Variants in CYP2C19 observed in about 807,000 individuals in gnomAD.
CYP2C19 encodes cytochrome P450 2C19.
A neutral mutation model predicts 40.9 loss-of-function variants in CYP2C19; 59 were observed. That is an observed-to-expected ratio of 1.44 (90% CI 1.17 to 1.79). CYP2C19 has a LOEUF of 1.79. Among genes scored for constraint, CYP2C19 ranks in the 40% most tolerant of loss-of-function variants. The pLI, the probability that CYP2C19 is intolerant of heterozygous loss-of-function variation, is 0.00. For missense variants in CYP2C19, 754 were observed against 596.9 expected, an observed-to-expected ratio of 1.26 and a Z score of -2.74; for synonymous variants, 253 against 208.7, an observed-to-expected ratio of 1.21 and a Z score of -1.83.
At chr10:94,833,971 T>C (rs1465777572) in intron 6 of CYP2C19, among the ~76,000 whole-genome samples, 1 of 152,234 alleles carries the variant, frequency 6.6e-6, no homozygotes, top group Non-Finnish European at 1.5e-5. Flanking sequence ...CTTTTTTTGA[T>C]GTGTCTTAGT....
Position 94,839,443 on chromosome 10 carries a change from T to C in CYP2C19, c.962-3394T>C, listed in dbSNP as rs1404695589. On this transcript the variant is annotated intron_variant, in intron 6 of 8. Coordinates refer to ENST00000371321, the MANE Select transcript of CYP2C19 (RefSeq NM_000769.4). ...GGTCCGGGCTGCTGGGTTCTAGTGGTCCTTTACCAGCATGCCTAACATTGC... is the reference window on the plus strand; with the variant it reads ...GGTCCGGGCTGCTGGGTTCTAGTGGCCCTTTACCAGCATGCCTAACATTGC... Among the ~76,000 whole-genome samples, 4 of 152,202 alleles carry C rather than the reference T, an allele frequency of 2.6e-5. No individual in the cohort carries two copies. In the East Asian group the frequency reaches 5.8e-4, roughly 22 times the overall value.
In CYP2C19 at chr10:94,804,949, C is replaced by T. The variant is rs909847806; in HGVS notation, c.820-15547C>T. On this transcript the variant is annotated intron_variant, in intron 5 of 8. Coordinates refer to ENST00000371321, the MANE Select transcript of CYP2C19 (RefSeq NM_000769.4). The stretch of plus-strand genomic sequence containing the variant: ...CTTTTATTTTCTTGATTATTGTTTT[C>T]TTTGTGTATTGTATGAGATTTTTCT... 7.9e-5 allele frequency among the ~76,000 whole-genome samples: 12 copies of T among 152,054 alleles called. No homozygotes were observed. In the East Asian group the frequency reaches 2.3e-3, roughly 29 times the overall value.
chr10:94,818,786 T>A (rs1359091017), intron 5 of CYP2C19, among the ~76,000 whole-genome samples: 2 of 150,558 alleles, frequency 1.3e-5, no homozygotes, highest in Non-Finnish European at 3.0e-5. Context: ...TAAGGAGATT[T>A]TGGGCTGAGA....
At chr10:94,782,247 G>A (rs1478166499) in intron 5 of CYP2C19, among the ~76,000 whole-genome samples, 1 of 152,084 alleles carries the variant, frequency 6.6e-6, no homozygotes, top group South Asian at 2.1e-4. Flanking sequence ...AGGATGTCAG[G>A]ATAGGAAAAG....
chr10:94,795,265 C>G (rs1315653131), intron 5 of CYP2C19, among the ~76,000 whole-genome samples: 2 of 147,192 alleles, frequency 1.4e-5, no homozygotes, highest in East Asian at 2.0e-4. Context: ...TTGGTTTTTT[C>G]TCCTTGCCAT....
intron 5 of CYP2C19, among the ~76,000 whole-genome samples, chr10:94,813,539 A>G (rs903391205): frequency 2.6e-5 from 4 of 151,564 alleles, no homozygotes; most frequent in African/African-American, 9.7e-5. Flanking sequence ...GCTGAAGTGG[A>G]CTCCACCTAG....
chr10:94,791,973 T>G (rs1246070978), intron 5 of CYP2C19, among the ~76,000 whole-genome samples: 1 of 152,164 alleles, frequency 6.6e-6, no homozygotes, highest in Non-Finnish European at 1.5e-5. Flanking sequence ...TGTTAAAGCC[T>G]CCCATTATTA....
intron 6 of CYP2C19, among the ~76,000 whole-genome samples, chr10:94,822,022 A>G (rs962775173): frequency 6.6e-6 from 1 of 152,076 alleles, no homozygotes; most frequent in African/African-American, 2.4e-5. Context: ...CTTCCCATTT[A>G]TAAGTGAGAA....
At chr10:94,811,375 G>A (rs1848920306) in intron 5 of CYP2C19, among the ~76,000 whole-genome samples, 1 of 152,142 alleles carries the variant, frequency 6.6e-6, no homozygotes, top group Non-Finnish European at 1.5e-5. Flanking sequence ...AGGGTGGAGA[G>A]TTCTTTAGAT....
intron 6 of CYP2C19, among the ~76,000 whole-genome samples, chr10:94,838,876 A>G (rs1221238572): frequency 1.3e-5 from 2 of 152,222 alleles, no homozygotes; most frequent in African/African-American, 4.8e-5. Flanking sequence ...TCAGGAGGCC[A>G]GGTTTCTCCC....
At chr10:94,831,782 C>A (rs1208609314) in intron 6 of CYP2C19, among the ~76,000 whole-genome samples, 1 of 152,180 alleles carries the variant, frequency 6.6e-6, no homozygotes, top group East Asian at 1.9e-4. Flanking sequence ...TACTTAAGTT[C>A]CTTATATATT....
At chr10:94,841,530 C>T (rs893224166) in intron 6 of CYP2C19, among the ~76,000 whole-genome samples, 1 of 152,058 alleles carries the variant, frequency 6.6e-6, no homozygotes, top group Non-Finnish European at 1.5e-5. Context: ...AAGGGGGTTG[C>T]CCTTTGGTTT....
intron 6 of CYP2C19, among the ~76,000 whole-genome samples, chr10:94,833,227 T>A (rs1291629174): frequency 6.6e-6 from 1 of 152,210 alleles, no homozygotes; most frequent in Non-Finnish European, 1.5e-5. Flanking sequence ...GACTTATTCC[T>A]TTCTAATGTG....
chr10:94,831,256 C>A (rs1365784731), intron 6 of CYP2C19, among the ~76,000 whole-genome samples: 1 of 152,048 alleles, frequency 6.6e-6, no homozygotes, highest in Non-Finnish European at 1.5e-5. Context: ...ATATGTACTA[C>A]ATTTTCTTTA....
At chr10:94,820,799 TC>T (rs1286105098) in intron 6 of CYP2C19, among the ~76,000 whole-genome samples, 162 bp downstream of exon 6, 1 of 152,212 alleles carries the variant, frequency 6.6e-6, no homozygotes, top group Non-Finnish European at 1.5e-5. Flanking sequence ...AAATGGAATA[TC>T]CTGGCCTGGT....
At position 94,820,496 on chromosome 10, in the gene CYP2C19, G is replaced by C. The variant is rs1807440335; in HGVS notation, c.820G>C (p.Glu274Gln). 4 of 1,613,948 alleles carry C rather than the reference G, an allele frequency of 2.5e-6. No homozygotes were observed. The East Asian group carries it at 8.9e-5, about 36-fold the overall frequency. ...IDCFLIKMEK[E>Q]KQNQQSEFTI... ...GATAATTGCATCAAATCATTCCTAG[G>C]AAAAGCAAAACCAACAGTCTGAATT... Residue 274 changes from glutamate (E) to glutamine (Q), a missense_variant and splice_region_variant, in exon 6 of 9, where the codon GAA becomes CAA. By Grantham distance (29) the Glu-to-Gln change is conservative. Coordinates refer to ENST00000371321, the MANE Select transcript of CYP2C19 (RefSeq NM_000769.4).
intron 5 of CYP2C19, among the ~76,000 whole-genome samples, chr10:94,815,425 A>T (rs1278927932): frequency 6.6e-6 from 1 of 152,188 alleles, no homozygotes; most frequent in African/African-American, 2.4e-5. Flanking sequence ...GATCTCTTGT[A>T]CTCAGTATTC....
rs1162697531 is a variant in CYP2C19 at position 94,818,364 on chromosome 10, A to G, written c.820-2132A>G. On this transcript the variant is annotated intron_variant, in intron 5 of 8. Coordinates refer to ENST00000371321, the MANE Select transcript of CYP2C19 (RefSeq NM_000769.4). ...GTTCTTTTGGCTTAGGATTGACTTG[A>G]TGATGCGGGCTCTTTTTTGGTTCCA... 2.5e-3 allele frequency among the ~76,000 whole-genome samples: 374 copies of G among 151,698 alleles called. 2 individuals carry two copies. Among genetic ancestry groups the G allele is most frequent in the African/African-American group, 8.5e-3 (349 of 41,168 alleles).
rs780794125 is a variant in CYP2C19 at position 94,852,855 on chromosome 10, G to A, written c.1414G>A (p.Val472Ile). 1 of 1,614,036 alleles carries A rather than the reference G, an allele frequency of 6.2e-7. No individual in the cohort carries two copies. Among genetic ancestry groups the A allele is most frequent in the East Asian group, 2.2e-5 (1 of 44,870 alleles). ...IDPKDLDTTPVVNGFASVPPF... is the reference protein window; with the variant it reads ...IDPKDLDTTPIVNGFASVPPF... ...CCCAAAGGACCTTGACACAACTCCT[G>A]TTGTCAATGGATTTGCTTCTGTCCC... Residue 472 changes from valine (V) to isoleucine (I), a missense_variant, in exon 9 of 9, where the codon GTT becomes ATT. Transcript: ENST00000371321.
Sources: gnomAD v4.1 joint callset for allele counts (sites outside exome capture counted in the v4.1 genomes callset) on GRCh38, gnomAD v4.1.1 for gene constraint, MANE v1.5 for transcripts, NCBI Gene and HGNC (gene_info 2026-07-23, HGNC 2026-07-21) for gene names.